ERCC6L2: variants seen among roughly 807,000 people sequenced by gnomAD.
ERCC6L2 encodes ERCC excision repair 6 like 2, also known as DNA excision repair protein ERCC-6-like 2.
Under a neutral mutation model 132.0 loss-of-function variants are expected in ERCC6L2, and 77 were observed. The observed-to-expected ratio is 0.58, with a 90% CI of 0.49 to 0.71. ERCC6L2 has a LOEUF of 0.71. ERCC6L2 is among the 30% of genes least tolerant of loss of function. The pLI is 0.00. For missense variants in ERCC6L2, 1,542 were observed against 1,837.6 expected (o/e 0.84, Z 2.94); for synonymous variants, 583 against 632.4 (o/e 0.92, Z 1.17).
intron 12 of ERCC6L2, among the ~76,000 whole-genome samples, chr9:95,953,385 G>A (rs1831436346): frequency 6.6e-6 from 1 of 152,072 alleles, no homozygotes; most frequent in Admixed American, 6.6e-5. Context: ...GACCATCCTA[G>A]CTAACACGGT....
At chr9:95,931,351 T>C (rs574690220) in intron 11 of ERCC6L2, among the ~76,000 whole-genome samples, 2 of 152,336 alleles carry the variant, frequency 1.3e-5, no homozygotes, top group Admixed American at 1.3e-4. Flanking sequence ...TTAGTTTCAA[T>C]CTGGCCCAGT....
At chr9:95,996,882 C>T (rs914235548) in intron 17 of ERCC6L2, among the ~76,000 whole-genome samples, 12 of 152,188 alleles carry the variant, frequency 7.9e-5, no homozygotes, top group Admixed American at 4.6e-4. Flanking sequence ...TCTACTAACA[C>T]GGCATTTATT....
At chr9:95,949,545 T>C (rs1480109767) in intron 12 of ERCC6L2, among the ~76,000 whole-genome samples, 1 of 151,942 alleles carries the variant, frequency 6.6e-6, no homozygotes, top group East Asian at 1.9e-4. Flanking sequence ...TGGGATAATA[T>C]ATTTAATGTA....
intron 13 of ERCC6L2, among the ~76,000 whole-genome samples, chr9:95,962,464 ATGTC>A (rs2133032465): frequency 6.6e-6 from 1 of 152,300 alleles, no homozygotes; most frequent in African/African-American, 2.4e-5. Context: ...AACAACCTAA[ATGTC>A]TGACAGTAAC....
At chr9:95,903,433 CAA>C (rs1284470828) in intron 3 of ERCC6L2, among the ~76,000 whole-genome samples, 1 of 152,082 alleles carries the variant, frequency 6.6e-6, no homozygotes, top group East Asian at 1.9e-4. Flanking sequence ...AATTTCTCCT[CAA>C]AACCTATTGA....
At chr9:96,020,063 T>A (rs990768168), downstream of ERCC6L2, 1 of 152,782 alleles carries the variant, frequency 6.5e-6, no homozygotes, top group Non-Finnish European at 1.5e-5. Flanking sequence ...GCACCTGTAA[T>A]CCCAGCTACT....
At chr9:95,960,408 A>G (rs991274765) in intron 13 of ERCC6L2, among the ~76,000 whole-genome samples, 6 of 152,174 alleles carry the variant, frequency 3.9e-5, no homozygotes, top group African/African-American at 1.4e-4. Flanking sequence ...ATATGGAAAA[A>G]GGATCTTTGC....
chr9:96,013,229 T>A lies in ERCC6L2; in HGVS notation c.*26T>A, dbSNP rs765526455. 8.3e-6 allele frequency: 11 copies of A among 1,326,830 alleles called. No homozygotes were observed. The African/African-American group carries it at 1.4e-4, about 16-fold the overall frequency. 82.2% of individuals were successfully genotyped at this position (1,326,830 alleles called of 1,614,324 possible). A position where few individuals can be genotyped will look rare whatever the true frequency, so the allele number is the denominator to read the frequency against. On this transcript the variant is annotated 3_prime_UTR_variant, in exon 19 of 19. Coordinates refer to ENST00000653738, the MANE Select transcript of ERCC6L2 (RefSeq NM_020207.7). ...GCATATAAATGAATTACTGCACCAG[T>A]AAACTGCTGCCATCACTGTTTACGG...
At chr9:95,920,808 G>A (rs908583824) in intron 6 of ERCC6L2, among the ~76,000 whole-genome samples, 1 of 151,974 alleles carries the variant, frequency 6.6e-6, no homozygotes, top group Non-Finnish European at 1.5e-5. Flanking sequence ...ACAGAGTCTC[G>A]CTCTGTCGCC....
intron 6 of ERCC6L2, chr9:95,918,582 G>A (rs1359612319): frequency 1.1e-5 from 4 of 374,296 alleles, no homozygotes; most frequent in South Asian, 2.3e-5. Context: ...GGAAAAGGAC[G>A]GCCTGATTTT....
intron 16 of ERCC6L2, 91 bp from the exon 17 acceptor site, chr9:95,977,958 GTTGATGTTTCTC>G: frequency 1.5e-6 from 1 of 687,724 alleles, no homozygotes; most frequent in Middle Eastern, 3.2e-4. Context: ...ATATTGTGAT[GTTGATGTTTCTC>G]TTGAGTATTA....
chr9:95,936,377 G>A (rs1285333470), intron 11 of ERCC6L2, among the ~76,000 whole-genome samples: 2 of 152,146 alleles, frequency 1.3e-5, no homozygotes, highest in Non-Finnish European at 2.9e-5. Flanking sequence ...GAGAGAACAT[G>A]TGGCATCCTG....
At chr9:95,997,737 C>T (rs1383052392) in intron 17 of ERCC6L2, among the ~76,000 whole-genome samples, 1 of 152,202 alleles carries the variant, frequency 6.6e-6, no homozygotes, top group Non-Finnish European at 1.5e-5. Flanking sequence ...CTTGAATCTT[C>T]ATTACTATTG....
Position 95,881,214 on chromosome 9 carries a change from C to A in ERCC6L2, c.392C>A (p.Thr131Asn). 1 of 1,606,350 alleles carries A rather than the reference C, an allele frequency of 6.2e-7. No homozygotes were observed. Among genetic ancestry groups the A allele is most frequent in the Non-Finnish European group, 8.5e-7 (1 of 1,178,112 alleles). ...TTGAGAGACTACCAAAGAGAAGGAA[C>A]CCGGTTTCTTTATGGACACTACATC... Reference protein sequence around the residue: ...RYLRDYQREGTRFLYGHYIHG... With the variant: ...RYLRDYQREGNRFLYGHYIHG... The change falls in exon 2 of 19, where the codon ACC becomes AAC. Residue 131 changes from threonine (T) to asparagine (N), a missense_variant. Physicochemically the swap from Thr to Asn is moderately conservative, Grantham distance 65. This residue lies in a region of ERCC6L2 where 945 missense variants were observed against 1,105.2 expected (regional missense o/e 0.86). Transcript: ENST00000653738.
At chr9:95,892,532 C>T (rs1297025323) in intron 2 of ERCC6L2, among the ~76,000 whole-genome samples, 2 of 150,814 alleles carry the variant, frequency 1.3e-5, no homozygotes, top group African/African-American at 2.4e-5. Context: ...AAGTGATTCT[C>T]ATGCCTCAGC....
intron 4 of ERCC6L2, among the ~76,000 whole-genome samples, chr9:95,910,636 G>A (rs1038524656): frequency 8.6e-5 from 13 of 151,902 alleles, no homozygotes; most frequent in Admixed American, 3.9e-4. Context: ...TCATCCATTC[G>A]GATAATCTTT....
chr9:95,904,520 T>C (rs1828937876), intron 3 of ERCC6L2, among the ~76,000 whole-genome samples: 1 of 152,152 alleles, frequency 6.6e-6, no homozygotes, highest in African/African-American at 2.4e-5. Flanking sequence ...TGGGTTCAAA[T>C]ACTTACTTTG....
chr9:96,004,662 C>T lies in ERCC6L2; in HGVS notation c.3635C>T (p.Thr1212Ile). 7.4e-7 allele frequency: 1 copy of T among 1,342,408 alleles called. No individual in the cohort carries two copies. Among genetic ancestry groups the T allele is most frequent in the Non-Finnish European group, 9.9e-7 (1 of 1,008,338 alleles). The allele number at this position is 1,342,408 out of a possible 1,614,324, so 83.2% of individuals were successfully genotyped here. Reference sequence around the variant, plus strand: ...AAAAAAGTCTACCATACAAACCAGACCACCTTCATAATTGGAGAAACACCA... The same window carrying T: ...AAAAAAGTCTACCATACAAACCAGATCACCTTCATAATTGGAGAAACACCA... ...KKKKVYHTNQ[T>I]TFIIGETPKG... Residue 1212 changes from threonine (T) to isoleucine (I), a missense_variant, in exon 18 of 19, where the codon ACC becomes ATC. By Grantham distance (89) the Thr-to-Ile change is moderately conservative. Coordinates refer to ENST00000653738, the MANE Select transcript of ERCC6L2 (RefSeq NM_020207.7).
intron 2 of ERCC6L2, among the ~76,000 whole-genome samples, chr9:95,883,444 G>A (rs1024826100): frequency 3.3e-5 from 5 of 152,170 alleles, no homozygotes; most frequent in Non-Finnish European, 4.4e-5. Context: ...AGTACTAGAG[G>A]AAAATTAATA....
Sources: allele counts gnomAD v4.1 joint callset (sites outside exome capture counted in the v4.1 genomes callset), GRCh38; gene constraint gnomAD v4.1.1; regional missense constraint gnomAD v4.1.1; transcripts MANE v1.5; gene names NCBI Gene and HGNC (gene_info 2026-07-23, HGNC 2026-07-21).